Variants in LRRC1 observed in about 807,000 individuals in gnomAD.
The protein encoded by LRRC1 is leucine-rich repeat-containing protein 1.
A neutral mutation model predicts 69.9 loss-of-function variants in LRRC1; 28 were observed. The ratio of observed to expected loss-of-function variants is 0.40; its 90% confidence interval spans 0.30 to 0.55. The LOEUF is 0.55. Ranked by LOEUF, LRRC1 falls within the 20% of genes least tolerant of loss-of-function variation. LRRC1 has a pLI of 0.47. For synonymous variants in LRRC1, 236 were observed against 240.2 expected, an observed-to-expected ratio of 0.98 and a Z score of 0.16; for missense variants, 498 against 609.0, an observed-to-expected ratio of 0.82 and a Z score of 1.92.
At chr6:53,906,307 A>G (rs1297724147) in intron 10 of LRRC1, among the ~76,000 whole-genome samples, 1 of 152,194 alleles carries the variant, frequency 6.6e-6, no homozygotes, top group Non-Finnish European at 1.5e-5. Context: ...CAACCTTTCC[A>G]TCTGTGTGAC....
Position 53,795,403 on chromosome 6 carries a change from C to T in LRRC1, c.147C>T (p.Arg49=), listed in dbSNP as rs1764263107. 2 of 1,611,850 alleles carry T rather than the reference C, an allele frequency of 1.2e-6. No individual in the cohort carries two copies. The highest frequency in any genetic ancestry group is 1.7e-6 in the Non-Finnish European group (2 of 1,179,680). ...TGCTGCTGGACGCCAACCAGCTCCG[C>T]GAGCTGCCCGAGGTAAGGGTCCGGC... ...EELLLDANQL[R]ELPEQFFQLV... The change falls in exon 1 of 14, where the codon CGC becomes CGT. Residue 49 remains arginine, a synonymous_variant. Coordinates refer to ENST00000370888, the MANE Select transcript of LRRC1 (RefSeq NM_018214.5).
intron 1 of LRRC1, among the ~76,000 whole-genome samples, chr6:53,801,794 C>T (rs1260753706): frequency 6.6e-6 from 1 of 152,148 alleles, no homozygotes; most frequent in Non-Finnish European, 1.5e-5. Flanking sequence ...ATTAGAGTCT[C>T]TTCAATTAAA....
chr6:53,837,493 T>C (rs906919784), intron 1 of LRRC1, among the ~76,000 whole-genome samples: 1 of 152,214 alleles, frequency 6.6e-6, no homozygotes, highest in Non-Finnish European at 1.5e-5. Context: ...TTAGAATGTC[T>C]CTGGGAAGGA....
intron 1 of LRRC1, among the ~76,000 whole-genome samples, chr6:53,812,321 CGA>C (rs1186529066): frequency 6.6e-6 from 1 of 152,038 alleles, no homozygotes; most frequent in African/African-American, 2.4e-5. Flanking sequence ...GATTTGAAGC[CGA>C]GAGTTTGGTG....
At chr6:53,879,141 C>G (rs1425370546) in intron 3 of LRRC1, 70 bp downstream of exon 3, 1 of 1,056,202 alleles carries the variant, frequency 9.5e-7, no homozygotes, top group African/African-American at 1.6e-5. Context: ...GCGGAGAACA[C>G]AGTCAGGTTA....
chr6:53,835,008 C>A (rs1765573475), intron 1 of LRRC1, among the ~76,000 whole-genome samples: 1 of 152,078 alleles, frequency 6.6e-6, no homozygotes, highest in South Asian at 2.1e-4. Context: ...ATCTGTGTAT[C>A]CCCAGCCCAG....
intron 1 of LRRC1, among the ~76,000 whole-genome samples, chr6:53,825,155 A>G (rs1007577914): frequency 1.4e-4 from 22 of 152,164 alleles, no homozygotes; most frequent in Admixed American, 1.4e-3. Context: ...TAAACCATGC[A>G]TGGGGAGAGA....
intron 1 of LRRC1, among the ~76,000 whole-genome samples, chr6:53,808,394 A>G (rs1423151506): frequency 2.0e-5 from 3 of 152,162 alleles, no homozygotes; most frequent in Non-Finnish European, 2.9e-5. Flanking sequence ...GAGTTGAGTC[A>G]TGGCAGAAGT....
At chr6:53,884,166 T>A (rs2127431828) in intron 4 of LRRC1, 1 of 598,044 alleles carries the variant, frequency 1.7e-6, no homozygotes, top group African/African-American at 1.9e-5. Context: ...ATTTCATGCA[T>A]GTACAATTCA....
At chr6:53,858,349 C>T (rs1480005888) in intron 2 of LRRC1, among the ~76,000 whole-genome samples, 1 of 152,022 alleles carries the variant, frequency 6.6e-6, no homozygotes, top group Non-Finnish European at 1.5e-5. Context: ...ACAGACTGCC[C>T]TTCCCACTTC....
intron 2 of LRRC1, among the ~76,000 whole-genome samples, chr6:53,860,383 A>G (rs1020370504): frequency 6.6e-6 from 1 of 152,234 alleles, no homozygotes; most frequent in Admixed American, 6.5e-5. Flanking sequence ...TGAAGTTTAA[A>G]TGTATTAGAA....
chr6:53,808,802 A>C (rs1562024267), intron 1 of LRRC1, among the ~76,000 whole-genome samples: 1 of 152,192 alleles, frequency 6.6e-6, no homozygotes, highest in Non-Finnish European at 1.5e-5. Flanking sequence ...ACAGAGAGAC[A>C]TCCATGACCC....
At chr6:53,822,083 C>T (rs1765133468) in intron 1 of LRRC1, among the ~76,000 whole-genome samples, 1 of 152,078 alleles carries the variant, frequency 6.6e-6, no homozygotes, top group Non-Finnish European at 1.5e-5. Context: ...TGTTGTTACC[C>T]TAGCTGTGTA....
chr6:53,826,779 A>G lies in LRRC1; in HGVS notation c.160-15331A>G, dbSNP rs188731215. On this transcript the variant is annotated intron_variant, in intron 1 of 13. Coordinates refer to ENST00000370888, the MANE Select transcript of LRRC1 (RefSeq NM_018214.5). Reference sequence around the variant, plus strand: ...CACCACTGATGTACTGTATATCTGTATATATACTGTGGCCCTTTGAACAAA... The same window carrying G: ...CACCACTGATGTACTGTATATCTGTGTATATACTGTGGCCCTTTGAACAAA... Among the ~76,000 whole-genome samples, 72 of 152,140 alleles carry G rather than the reference A, an allele frequency of 4.7e-4. 1 individual carries two copies. Among genetic ancestry groups the G allele is most frequent in the Admixed American group, 3.3e-3 (51 of 15,286 alleles).
intron 8 of LRRC1, among the ~76,000 whole-genome samples, chr6:53,902,137 A>C (rs1768078324): frequency 6.6e-6 from 1 of 152,202 alleles, no homozygotes; most frequent in African/African-American, 2.4e-5. Context: ...GGCCTGAGTG[A>C]AATAGACTCC....
At chr6:53,900,029 T>TTTG in intron 8 of LRRC1, 138 bp downstream of exon 8, 2 of 251,978 alleles carry the variant, frequency 7.9e-6, no homozygotes, top group Non-Finnish European at 1.1e-5. Flanking sequence ...TGTTTTTTTT[T>TTTG]TTTTTTTTTT....
Position 53,912,031 on chromosome 6 carries a change from G to C in LRRC1, c.991-1823G>C, listed in dbSNP as rs550510970. 4.0e-4 allele frequency among the ~76,000 whole-genome samples: 61 copies of C among 152,306 alleles called. No individual in the cohort carries two copies. The South Asian group carries it at 0.01, about 25-fold the overall frequency. ...TTTGTTGTCTCCACTGCTACACATA[G>C]AGGCAGATAACTTTTAAGTAGAGGT... On this transcript the variant is annotated intron_variant, in intron 10 of 13. Coordinates refer to ENST00000370888, the MANE Select transcript of LRRC1 (RefSeq NM_018214.5).
At chr6:53,897,412 C>A (rs62397108) in intron 7 of LRRC1, 53 bp downstream of exon 7, 87,143 of 1,278,718 alleles carry the variant, frequency 0.068, 3,453 homozygotes, top group Non-Finnish European at 0.08. Flanking sequence ...CAACAATAAG[C>A]TTTGTGTATT....
intron 10 of LRRC1, among the ~76,000 whole-genome samples, chr6:53,909,833 C>T (rs1768355961): frequency 6.6e-6 from 1 of 151,632 alleles, no homozygotes; most frequent in Non-Finnish European, 1.5e-5. Context: ...TCTTTTTTTG[C>T]CAATGGGGTG....
Sources: allele counts gnomAD v4.1 joint callset (sites outside exome capture counted in the v4.1 genomes callset), GRCh38; gene constraint gnomAD v4.1.1; transcripts MANE v1.5; gene names NCBI Gene and HGNC (gene_info 2026-07-23, HGNC 2026-07-21).